The following PDE1A variants were observed in gnomAD, a reference collection of about 807,000 sequenced individuals.
PDE1A encodes dual specificity calcium/calmodulin-dependent 3',5'-cyclic nucleotide phosphodiesterase 1A.
PDE1A carries 35 observed loss-of-function variants against 61.7 expected under a neutral mutation model. The observed-to-expected ratio is 0.57, with a 90% CI of 0.43 to 0.75. PDE1A has a LOEUF of 0.75. PDE1A is among the 30% of genes least tolerant of loss of function. The pLI is 0.00. For missense variants in PDE1A, 597 were observed against 630.6 expected (o/e 0.95, Z 0.57); for synonymous variants, 232 against 213.2 (o/e 1.09, Z -0.77).
chr2:182,404,600 T>C (rs1378951662), intron 1 of PDE1A, among the ~76,000 whole-genome samples: 8 of 152,240 alleles, frequency 5.3e-5, no homozygotes, highest in Non-Finnish European at 1.2e-4. Context: ...TTTCTTTATG[T>C]CCTTATTCTA....
chr2:182,588,919 T>C, the PDE1A span, among the ~76,000 whole-genome samples: 1 of 151,734 alleles, frequency 6.6e-6, no homozygotes, highest in Non-Finnish European at 1.5e-5. Flanking sequence ...GGCGGATGCC[T>C]GTAATCCCAG....
In PDE1A at chr2:182,310,605, A is replaced by T. The variant is rs553101693; in HGVS notation, c.54-46191T>A. Among the ~76,000 whole-genome samples the T allele has an allele frequency of 4.6e-5, 7 of 152,282 alleles. No individual in the cohort carries two copies. In the South Asian group the frequency reaches 1.5e-3, roughly 32 times the overall value. On this transcript the variant is annotated intron_variant, in intron 1 of 13. Transcript: ENST00000351439. ...CTAGTAAACGAGATGTATTTAACGC[A>T]AATTTATTCCCCCAAAGACAATATA...
rs1023153718 is a variant in PDE1A, at chr2:182,198,308, T to C, written c.1125+3131A>G. Among the ~76,000 whole-genome samples, 20 of 152,046 alleles carry C rather than the reference T, an allele frequency of 1.3e-4. No individual in the cohort carries two copies. In the East Asian group the frequency reaches 3.7e-3, roughly 28 times the overall value. On this transcript the variant is annotated intron_variant, in intron 10 of 13. Coordinates refer to ENST00000351439, the Ensembl canonical transcript of PDE1A. ...GAGGTTTTCTATGCAGATGCTCATG[T>C]TTCTGCAAATAACAGTTTTATTTAT...
At chr2:182,248,095 C>G (rs553827359) in intron 2 of PDE1A, among the ~76,000 whole-genome samples, 2 of 151,716 alleles carry the variant, frequency 1.3e-5, no homozygotes, top group East Asian at 3.9e-4. Context: ...TTCTCTACTA[C>G]AGATACAAAA....
At chr2:182,231,164 A>G (rs772863379) in intron 4 of PDE1A, 33 bp from the exon 5 acceptor site, 1 of 1,026,584 alleles carries the variant, frequency 9.7e-7, no homozygotes, top group Non-Finnish European at 1.5e-6. Flanking sequence ...TTTAGGTGCC[A>G]ATATCATACT....
upstream of PDE1A, among the ~76,000 whole-genome samples, chr2:182,523,698 T>C (rs1690693158): frequency 1.3e-5 from 2 of 152,202 alleles, no homozygotes; most frequent in African/African-American, 4.8e-5. Flanking sequence ...CTATTACATA[T>C]TACCTTTTTA....
downstream of PDE1A, among the ~76,000 whole-genome samples, chr2:182,166,551 T>G (rs1177461855): frequency 6.6e-6 from 1 of 152,196 alleles, no homozygotes; most frequent in Non-Finnish European, 1.5e-5. Context: ...TTAACTTTCC[T>G]GGTTTCTCGG....
intron 2 of PDE1A, among the ~76,000 whole-genome samples, chr2:182,496,148 TA>T (rs1688700893): frequency 6.6e-6 from 1 of 152,230 alleles, no homozygotes. Flanking sequence ...TAACCTAGTT[TA>T]ATATTAAACA....
chr2:182,716,773 C>G, the PDE1A span, among the ~76,000 whole-genome samples: 6 of 152,164 alleles, frequency 3.9e-5, no homozygotes, highest in South Asian at 2.1e-4. Flanking sequence ...ATCTTTACCC[C>G]TCTCCCCTCT....
intron 2 of PDE1A, among the ~76,000 whole-genome samples, chr2:182,491,416 A>G (rs55986741): frequency 0.42 from 63,870 of 151,896 alleles, 13,744 homozygotes; most frequent in African/African-American, 0.49. Flanking sequence ...GAGGAGCAGA[A>G]AGGAATGAGA....
At chr2:182,571,381 T>C in the PDE1A span, among the ~76,000 whole-genome samples, 1 of 152,254 alleles carries the variant, frequency 6.6e-6, no homozygotes, top group African/African-American at 2.4e-5. Context: ...ACAAAGAGAA[T>C]TTCAAGAAAA....
At chr2:182,172,603 T>G (rs1242046872) in intron 13 of PDE1A, among the ~76,000 whole-genome samples, 1 of 152,032 alleles carries the variant, frequency 6.6e-6, no homozygotes, top group African/African-American at 2.4e-5. Context: ...GTAGGCCTCC[T>G]GCAAATGCAT....
chr2:182,189,050 T>C (rs2125410620), exon 11 of PDE1A: 1 of 1,611,570 alleles, frequency 6.2e-7, no homozygotes, highest in East Asian at 2.2e-5. Flanking sequence ...TAATTCAGCT[T>C]CTTTATCTCC....
intron 1 of PDE1A, among the ~76,000 whole-genome samples, chr2:182,358,546 C>T (rs993036279): frequency 2.6e-5 from 4 of 152,096 alleles, no homozygotes; most frequent in African/African-American, 9.7e-5. Flanking sequence ...TCTGTGCCTC[C>T]TCTAGCACTT....
chr2:182,573,945 TATTA>T, the PDE1A span, among the ~76,000 whole-genome samples: 3 of 133,836 alleles, frequency 2.2e-5, no homozygotes, highest in African/African-American at 9.0e-5. Flanking sequence ...TATATTTATA[TATTA>T]TATATATTTA....
chr2:182,580,502 A>T, the PDE1A span, among the ~76,000 whole-genome samples: 7 of 152,136 alleles, frequency 4.6e-5, no homozygotes, highest in South Asian at 1.5e-3. Flanking sequence ...TATCTCTTTA[A>T]AGACTTGACT....
chr2:182,249,731 A>ACCCCCCC (rs1161815398), intron 2 of PDE1A, among the ~76,000 whole-genome samples: 2 of 49,612 alleles, frequency 4.0e-5, no homozygotes, highest in African/African-American at 1.2e-4. Context: ...TTACCCCCCA[A>ACCCCCCC]CCCCCCCCCC....
At chr2:182,238,428 C>A (rs972695519) in intron 3 of PDE1A, among the ~76,000 whole-genome samples, 10 of 152,038 alleles carry the variant, frequency 6.6e-5, no homozygotes, top group Admixed American at 6.6e-4. Flanking sequence ...ATAGTGGAGG[C>A]TTAGATTGTG....
intron 6 of PDE1A, among the ~76,000 whole-genome samples, chr2:182,225,066 T>C (rs988264434): frequency 2.6e-5 from 4 of 151,934 alleles, no homozygotes; most frequent in African/African-American, 4.8e-5. Flanking sequence ...AGAATAAAGA[T>C]GCAATTTAAG....
Sources: gnomAD v4.1 joint callset for allele counts (sites outside exome capture counted in the v4.1 genomes callset) on GRCh38, gnomAD v4.1.1 for gene constraint, MANE v1.5 for transcripts, NCBI Gene and HGNC (gene_info 2026-07-23, HGNC 2026-07-21) for gene names.